CYP2C19: variants seen among roughly 807,000 people sequenced by gnomAD.
CYP2C19 encodes the protein cytochrome P450 family 2 subfamily C member 19.
CYP2C19 carries 59 observed loss-of-function variants against 40.9 expected under a neutral mutation model. The ratio of observed to expected loss-of-function variants is 1.44; its 90% CI spans 1.17 to 1.79. The LOEUF is 1.79. CYP2C19 is among the 40% of genes most tolerant of loss of function. The pLI, the probability that CYP2C19 is intolerant of heterozygous loss-of-function variation, is 0.00. For missense variants in CYP2C19, 754 were observed against 596.9 expected, an observed-to-expected ratio of 1.26 and a Z score of -2.74; for synonymous variants, 253 against 208.7, an observed-to-expected ratio of 1.21 and a Z score of -1.83.
At chr10:94,845,743 A>T (rs1441935282) in intron 7 of CYP2C19, among the ~76,000 whole-genome samples, 1 of 152,156 alleles carries the variant, frequency 6.6e-6, no homozygotes, top group Non-Finnish European at 1.5e-5. Flanking sequence ...TATCTTAAAA[A>T]CATTTTAATA....
At chr10:94,777,638 T>TA in intron 3 of CYP2C19, among the ~76,000 whole-genome samples, 1 of 152,160 alleles carries the variant, frequency 6.6e-6, no homozygotes, top group East Asian at 1.9e-4. Context: ...TTTCATCTTA[T>TA]AAAAAAATTA....
intron 5 of CYP2C19, among the ~76,000 whole-genome samples, chr10:94,802,271 A>C (rs2134253920): frequency 6.6e-6 from 1 of 152,238 alleles, no homozygotes; most frequent in Admixed American, 6.5e-5. Flanking sequence ...AAAACAGAAA[A>C]GTTTTCCAAG....
rs1389054683 is a variant in CYP2C19, at chr10:94,805,195, GT to G, written c.820-15297del. Among the ~76,000 whole-genome samples the G allele has an allele frequency of 2.0e-4, 30 of 151,962 alleles. 1 individual carries two copies. In the South Asian group the frequency reaches 6.0e-3, roughly 31 times the overall value. ...AAATTTAGTATGCCTTAGCTTTGCA[GT>G]TTTCATAAATATGCTTTATTATGGT... On this transcript the variant is annotated intron_variant, in intron 5 of 8. Coordinates refer to ENST00000371321, the MANE Select transcript of CYP2C19 (RefSeq NM_000769.4).
At chr10:94,763,680 TG>T (rs761475875) in intron 1 of CYP2C19, among the ~76,000 whole-genome samples, 2 of 151,524 alleles carry the variant, frequency 1.3e-5, no homozygotes, top group African/African-American at 2.4e-5. Context: ...ACTAGATTGA[TG>T]GTAGGGGGCA....
At chr10:94,786,063 C>T (rs1049144069) in intron 5 of CYP2C19, among the ~76,000 whole-genome samples, 2 of 151,910 alleles carry the variant, frequency 1.3e-5, no homozygotes, top group Non-Finnish European at 2.9e-5. Flanking sequence ...TTGGATGTCT[C>T]TCTCTCTCTC....
At chr10:94,787,331 A>C (rs1046998904) in intron 5 of CYP2C19, among the ~76,000 whole-genome samples, 2 of 151,906 alleles carry the variant, frequency 1.3e-5, no homozygotes, top group African/African-American at 4.8e-5. Flanking sequence ...CCCACTTTTT[A>C]ATGAAGTTAT....
intron 1 of CYP2C19, chr10:94,774,309 G>A (rs1181147680): frequency 6.6e-6 from 1 of 152,146 alleles, no homozygotes; most frequent in East Asian, 1.9e-4. Flanking sequence ...GTGGCTTATG[G>A]AGGAATAAGT....
intron 5 of CYP2C19, among the ~76,000 whole-genome samples, chr10:94,802,082 A>G (rs1026997592): frequency 6.6e-6 from 1 of 151,828 alleles, no homozygotes; most frequent in Non-Finnish European, 1.5e-5. Context: ...TGATTGGTCC[A>G]TTTTACCGAG....
chr10:94,795,379 A>C (rs532231846), intron 5 of CYP2C19, among the ~76,000 whole-genome samples: 135 of 152,150 alleles, frequency 8.9e-4, no homozygotes, highest in African/African-American at 3.2e-3. Context: ...TATATGTGCC[A>C]CATTTTCTTA....
chr10:94,791,144 T>A (rs1848599965), intron 5 of CYP2C19, among the ~76,000 whole-genome samples: 1 of 152,136 alleles, frequency 6.6e-6, no homozygotes, highest in Non-Finnish European at 1.5e-5. Context: ...GATTTTCTAG[T>A]TTATTTGCGT....
At chr10:94,780,196 T>G (rs955545177) in intron 3 of CYP2C19, among the ~76,000 whole-genome samples, 37 of 152,102 alleles carry the variant, frequency 2.4e-4, no homozygotes, top group Non-Finnish European at 2.5e-4. Context: ...CTCTGAAACT[T>G]GAATTATTTG....
In CYP2C19 at chr10:94,806,857, A is replaced by G. The variant is rs180894175; in HGVS notation, c.820-13639A>G. Among the ~76,000 whole-genome samples the G allele has an allele frequency of 1.6e-3, 238 of 151,912 alleles. 2 individuals are homozygous for G. Among genetic ancestry groups the G allele is most frequent in the Non-Finnish European group, 2.8e-3 (187 of 67,890 alleles). ...GTAATGATCAAGCAGGATGATTAGC[A>G]TATCTATAACCTCAAGTATTTTTCA... is the stretch of plus-strand genomic sequence containing the variant. On this transcript the variant is annotated intron_variant, in intron 5 of 8. Transcript: ENST00000371321.
At chr10:94,779,594 C>A (rs1848456912) in intron 3 of CYP2C19, among the ~76,000 whole-genome samples, 1 of 71,964 alleles carries the variant, frequency 1.4e-5, no homozygotes, top group Admixed American at 1.7e-4. Context: ...TGGAGTCTCA[C>A]TCTTTTGCCA....
At chr10:94,767,218 A>G (rs1164359999) in intron 1 of CYP2C19, among the ~76,000 whole-genome samples, 2 of 152,096 alleles carry the variant, frequency 1.3e-5, no homozygotes, top group Non-Finnish European at 2.9e-5. Context: ...TAGTTTCCTT[A>G]AGTGCCTCTT....
At chr10:94,837,893 C>T (rs916757619) in intron 6 of CYP2C19, among the ~76,000 whole-genome samples, 1 of 152,208 alleles carries the variant, frequency 6.6e-6, no homozygotes, top group African/African-American at 2.4e-5. Flanking sequence ...ATTCCCTTGA[C>T]ATAAGGGGCA....
At chr10:94,846,639 T>A (rs1251239587) in intron 7 of CYP2C19, among the ~76,000 whole-genome samples, 7 of 152,116 alleles carry the variant, frequency 4.6e-5, no homozygotes, top group Non-Finnish European at 5.9e-5. Context: ...TCTAATTTCA[T>A]TATTCCTTCT....
intron 5 of CYP2C19, among the ~76,000 whole-genome samples, chr10:94,788,059 G>A (rs1461993779): frequency 1.3e-5 from 2 of 151,904 alleles, no homozygotes; most frequent in Admixed American, 1.3e-4. Flanking sequence ...GTGTTTTGTA[G>A]CTCTCCTTGT....
chr10:94,834,428 T>C (rs948319193), intron 6 of CYP2C19, among the ~76,000 whole-genome samples: 1 of 152,160 alleles, frequency 6.6e-6, no homozygotes, highest in Non-Finnish European at 1.5e-5. Context: ...TTTTGTTTAA[T>C]TTCTCAAAGA....
intron 1 of CYP2C19, among the ~76,000 whole-genome samples, chr10:94,771,681 G>T (rs1192040421): frequency 1.3e-5 from 2 of 152,002 alleles, no homozygotes; most frequent in Admixed American, 1.3e-4. Flanking sequence ...AACTCTCCAT[G>T]GTTTTGGTTT....
Sources: allele counts gnomAD v4.1 joint callset (sites outside exome capture counted in the v4.1 genomes callset), GRCh38; gene constraint gnomAD v4.1.1; transcripts MANE v1.5; gene names NCBI Gene and HGNC (gene_info 2026-07-23, HGNC 2026-07-21).